The following TTC5 variants were observed in gnomAD, a reference collection of about 807,000 sequenced individuals.
The protein encoded by TTC5 is tetratricopeptide repeat protein 5.
In TTC5, 46 loss-of-function variants were observed where a neutral mutation model predicts 57.4. The observed-to-expected ratio is 0.80, with a 90% CI of 0.63 to 1.03. TTC5 has a LOEUF of 1.03. TTC5 is among the 50% of genes least tolerant of loss of function. The pLI is 0.00. For missense variants in TTC5, 504 were observed against 528.1 expected, an observed-to-expected ratio of 0.95 and a Z score of 0.45; for synonymous variants, 190 against 203.5, an observed-to-expected ratio of 0.93 and a Z score of 0.57.
At chr14:20,291,178 T>C (rs1373338263) in intron 9 of TTC5, among the ~76,000 whole-genome samples, 2 of 152,274 alleles carry the variant, frequency 1.3e-5, no homozygotes, top group Non-Finnish European at 2.9e-5. Flanking sequence ...TTCAGCCTCC[T>C]TAGTAGCTGG....
rs1238202811 is a variant in TTC5, at chr14:20,287,199, G to A, written c.*2428C>T. The A allele has an allele frequency of 1.3e-5, 2 of 152,044 alleles. No homozygotes were observed. The highest frequency in any genetic ancestry group is 2.9e-5 in the Non-Finnish European group (2 of 68,038). The allele number at this position is 152,044 out of a possible 1,614,324, so 9.4% of individuals were successfully genotyped here. ...TGCATCAGAGTCACCTGGAGGGTTT[G>A]CGAAACACAGATTGCTGGGCTCCTC... is the stretch of plus-strand genomic sequence containing the variant. On this transcript the variant is annotated 3_prime_UTR_variant, in exon 10 of 10. Coordinates refer to ENST00000258821, the MANE Select transcript of TTC5 (RefSeq NM_138376.3).
At chr14:20,293,896 T>C (rs1882009854) in intron 8 of TTC5, 1 of 152,216 alleles carries the variant, frequency 6.6e-6, no homozygotes, top group Admixed American at 6.5e-5. Context: ...GATTTCTTAT[T>C]GGAACCCAGA....
At chr14:20,294,831 C>T (rs1452411111) in intron 8 of TTC5, 1 of 159,240 alleles carries the variant, frequency 6.3e-6, no homozygotes, top group Non-Finnish European at 1.4e-5. Flanking sequence ...CCCTATGACA[C>T]ATATATTACA....
chr14:20,289,845 CT>C, intron 9 of TTC5, 99 bp from the exon 10 acceptor site: 1 of 1,265,370 alleles, frequency 7.9e-7, no homozygotes, highest in Non-Finnish European at 1.1e-6. Flanking sequence ...ACCACCTCCC[CT>C]GTTGTATACC....
intron 4 of TTC5, among the ~76,000 whole-genome samples, 187 bp from the exon 5 acceptor site, chr14:20,299,075 G>A (rs1308971821): frequency 6.6e-6 from 1 of 152,208 alleles, no homozygotes; most frequent in African/African-American, 2.4e-5. Context: ...AGTTTGAACA[G>A]ACTGTACAAA....
chr14:20,304,878 C>T (rs929622718), intron 1 of TTC5, among the ~76,000 whole-genome samples: 1 of 152,066 alleles, frequency 6.6e-6, no homozygotes, highest in Non-Finnish European at 1.5e-5. Flanking sequence ...AAAATCAATA[C>T]ATGTAAGTTG....
At chr14:20,291,927 G>T (rs947774635) in intron 9 of TTC5, 56 bp downstream of exon 9, 15 of 1,403,192 alleles carry the variant, frequency 1.1e-5, no homozygotes, top group Admixed American at 2.7e-5. Context: ...AAAAAGATAA[G>T]CTTGGTTCTA....
At chr14:20,299,098 C>A (rs529610793) in intron 4 of TTC5, among the ~76,000 whole-genome samples, 200 bp downstream of exon 4, 1 of 152,312 alleles carries the variant, frequency 6.6e-6, no homozygotes, top group South Asian at 2.1e-4. Flanking sequence ...CCCTTCCTTG[C>A]TTACGTGAAA....
chr14:20,305,845 G>A (rs756242517), intron 1 of TTC5, 42 bp downstream of exon 1: 6 of 1,594,898 alleles, frequency 3.8e-6, no homozygotes, highest in Middle Eastern at 3.3e-4. Flanking sequence ...TGCTTCATTC[G>A]GAGTAACAAA....
At position 20,298,639 on chromosome 14, in the gene TTC5, C is replaced by A. The variant is rs143361005; in HGVS notation, c.639+158G>T. 2.0e-4 allele frequency among the ~76,000 whole-genome samples: 31 copies of A among 152,294 alleles called. No homozygotes were observed. The East Asian group carries it at 5.8e-3, about 28-fold the overall frequency. On this transcript the variant is annotated intron_variant, in intron 5 of 9. Transcript: ENST00000258821. ...AACACTCAAGTTATAAGAAGTCAGT[C>A]ATCTCTGCAGACACATCTTTGCAAA...
chr14:20,305,916 C>G lies in TTC5; in HGVS notation c.22G>C (p.Glu8Gln). Residue 8 changes from glutamate to glutamine, a missense_variant, in exon 1 of 10, where the codon GAA (glutamate) becomes CAA (glutamine). Physicochemically the swap from Glu to Gln is conservative, Grantham distance 29 (BLOSUM62 2). Transcript: ENST00000258821. Reference sequence around the variant, plus strand: ...AATTTCTGCAAGATCGGCTTGACTTCTTCCTCTTCATCAGCCATCATCTCC... The same window carrying G: ...AATTTCTGCAAGATCGGCTTGACTTGTTCCTCTTCATCAGCCATCATCTCC... MMADEEE[E>Q]VKPILQKLQE... is the part of the protein sequence containing the mutation. 6.2e-7 allele frequency: 1 copy of G among 1,614,140 alleles called. No individual in the cohort carries two copies. The highest frequency in any genetic ancestry group is 8.5e-7 in the Non-Finnish European group (1 of 1,180,028).
chr14:20,301,474 G>A (rs1882189042), intron 2 of TTC5, among the ~76,000 whole-genome samples: 1 of 151,484 alleles, frequency 6.6e-6, no homozygotes, highest in African/African-American at 2.4e-5. Flanking sequence ...AAAGATACCT[G>A]AGCAAAAAGG....
chr14:20,290,543 T>C (rs1376390794), intron 9 of TTC5, among the ~76,000 whole-genome samples: 1 of 152,106 alleles, frequency 6.6e-6, no homozygotes, highest in East Asian at 1.9e-4. Flanking sequence ...CCAACCAGAG[T>C]TGAGAAAAAA....
intron 8 of TTC5, chr14:20,292,820 G>A (rs1881986476): frequency 6.6e-6 from 1 of 152,166 alleles, no homozygotes; most frequent in Non-Finnish European, 1.5e-5. Context: ...TCCTGGAAGA[G>A]GTGACGCTCA....
In TTC5 at chr14:20,287,933, A is replaced by C. The variant is rs536556741; in HGVS notation, c.*1694T>G. ...TTTAAGACTCCATATGTGGTATAACAGACAGTACTTCTAATAAAAACTGTC... is the reference window on the plus strand; with the variant it reads ...TTTAAGACTCCATATGTGGTATAACCGACAGTACTTCTAATAAAAACTGTC... On this transcript the variant is annotated 3_prime_UTR_variant, in exon 10 of 10. Transcript: ENST00000258821. 1 of 152,358 alleles carries C rather than the reference A, an allele frequency of 6.6e-6. No individual in the cohort carries two copies. Among genetic ancestry groups the C allele is most frequent in the African/African-American group, 2.4e-5 (1 of 41,584 alleles). 9.4% of individuals were successfully genotyped at this position (152,358 alleles called of 1,614,324 possible).
chr14:20,304,980 G>T (rs1323469469), intron 1 of TTC5, among the ~76,000 whole-genome samples: 1 of 152,054 alleles, frequency 6.6e-6, no homozygotes. Flanking sequence ...TACCTTTTCA[G>T]ATTTTTTTCT....
intron 9 of TTC5, among the ~76,000 whole-genome samples, 174 bp downstream of exon 9, chr14:20,291,806 CCTT>C (rs1036370510): frequency 6.6e-6 from 1 of 151,692 alleles, no homozygotes; most frequent in Admixed American, 6.6e-5. Context: ...TACCAGTTTA[CCTT>C]TTTAGTAAAA....
At chr14:20,303,734 C>T (rs948363534) in intron 1 of TTC5, among the ~76,000 whole-genome samples, 1 of 152,178 alleles carries the variant, frequency 6.6e-6, no homozygotes, top group African/African-American at 2.4e-5. Context: ...AATCCAAGTC[C>T]TTATCATGAC....
Position 20,300,595 on chromosome 14 carries a change from G to A in TTC5, c.396+12C>T. 1 of 1,604,736 alleles carries A rather than the reference G, an allele frequency of 6.2e-7. No individual in the cohort carries two copies. The highest frequency in any genetic ancestry group is 8.5e-7 in the Non-Finnish European group (1 of 1,177,994). On this transcript the variant is annotated intron_variant, in intron 3 of 9. Coordinates refer to ENST00000258821, the MANE Select transcript of TTC5 (RefSeq NM_138376.3). ...CCATCTCTGCTTTCCAAAGGGATAG[G>A]GGGCAGCTCACATGGGTGAGGGCTC...
Sources: gnomAD v4.1 joint callset for allele counts (sites outside exome capture counted in the v4.1 genomes callset) on GRCh38, gnomAD v4.1.1 for gene constraint, MANE v1.5 for transcripts, NCBI Gene and HGNC (gene_info 2026-07-23, HGNC 2026-07-21) for gene names.